The following TPCN2 variants were observed in gnomAD, a reference collection of about 807,000 sequenced individuals.
TPCN2 encodes the protein two pore channel protein 2.
Under a neutral mutation model 111.4 loss-of-function variants are expected in TPCN2, and 92 were observed. The ratio of observed to expected loss-of-function variants is 0.83; its 90% CI spans 0.70 to 0.98. The LOEUF is 0.98. Among genes scored for constraint, TPCN2 ranks in the 50% least tolerant of loss-of-function variants. TPCN2 has a pLI of 0.00. For synonymous variants in TPCN2, 405 were observed against 414.5 expected (o/e 0.98, Z 0.28); for missense variants, 995 against 980.1 (o/e 1.02, Z -0.20).
At chr11:69,059,000 G>T (rs1035246882) in intron 5 of TPCN2, among the ~76,000 whole-genome samples, 1 of 152,226 alleles carries the variant, frequency 6.6e-6, no homozygotes, top group African/African-American at 2.4e-5. Context: ...GGAAGAAAAT[G>T]AATAAAGGCC....
Position 69,070,506 on chromosome 11 carries a change from G to C in TPCN2, c.895+11G>C. On this transcript the variant is annotated intron_variant, in intron 9 of 24. Coordinates refer to ENST00000294309, the MANE Select transcript of TPCN2 (RefSeq NM_139075.4). ...TCTTCACTGTGATAGGTGAGTGCAG[G>C]TAACGTGGCCAGCATTTTGTGACAG... 6.3e-7 allele frequency: 1 copy of C among 1,593,150 alleles called. No homozygotes were observed. The highest frequency in any genetic ancestry group is 1.4e-5 in the African/African-American group (1 of 73,948).
chr11:69,087,263 TG>T (rs1043862751), intron 24 of TPCN2, 57 bp downstream of exon 24: 12 of 1,512,720 alleles, frequency 7.9e-6, no homozygotes, highest in Admixed American at 1.7e-5. Context: ...AGCCAAGAGC[TG>T]GGGGGTGGAG....
Position 69,072,973 on chromosome 11 carries a change from A to G in TPCN2, c.1202A>G (p.Asn401Ser), listed in dbSNP as rs1289644643. 6.2e-7 allele frequency: 1 copy of G among 1,613,892 alleles called. No individual in the cohort carries two copies. Among genetic ancestry groups the G allele is most frequent in the South Asian group, 1.1e-5 (1 of 90,990 alleles). ...GCTGAGGAGTTTCAGAAGCTCTTCA[A>G]CGAGCTTGACAGAAGTGTGGTTAAA... Reference protein sequence around the residue: ...LSAEEFQKLFNELDRSVVKEH... With the variant: ...LSAEEFQKLFSELDRSVVKEH... Residue 401 changes from asparagine to serine, a missense_variant, in exon 13 of 25, where the codon AAC becomes AGC. By Grantham distance (46) the Asn-to-Ser change is conservative. Transcript: ENST00000294309.
chr11:69,074,281 G>A (rs1855659972), intron 13 of TPCN2, among the ~76,000 whole-genome samples: 1 of 152,230 alleles, frequency 6.6e-6, no homozygotes, highest in African/African-American at 2.4e-5. Flanking sequence ...CTCACTTCGG[G>A]CATCCTCTTT....
rs1855670226 is a variant in TPCN2, at chr11:69,074,507, G to A, written c.1230+1506G>A. ...ACAGAAACTGTGGAGATGGTCCTCA[G>A]ATAACAGAAAGTTAAGAAGCACCAT... On this transcript the variant is annotated intron_variant, in intron 13 of 24. Coordinates refer to ENST00000294309, the MANE Select transcript of TPCN2 (RefSeq NM_139075.4). Among the ~76,000 whole-genome samples the A allele has an allele frequency of 2.0e-5, 3 of 152,212 alleles. No homozygotes were observed. In the South Asian group the frequency reaches 6.2e-4, roughly 32 times the overall value.
chr11:69,088,056 AG>A lies in TPCN2; in HGVS notation c.*104del. 2.0e-6 allele frequency: 2 copies of A among 1,017,484 alleles called. No individual in the cohort carries two copies. Among genetic ancestry groups the A allele is most frequent in the Non-Finnish European group, 2.9e-6 (2 of 701,694 alleles). 63.0% of individuals were successfully genotyped at this position (1,017,484 alleles called of 1,614,324 possible). ...CCATGCTGTGGCCAGCCAGGCAGGAAGAGACCTTTCCTCTGACGGACCACTA... is the reference window on the plus strand; with the variant it reads ...CCATGCTGTGGCCAGCCAGGCAGGAAAGACCTTTCCTCTGACGGACCACTA... On this transcript the variant is annotated 3_prime_UTR_variant, in exon 25 of 25. Transcript: ENST00000294309.
At chr11:69,068,181 C>A (rs1855358032) in intron 8 of TPCN2, among the ~76,000 whole-genome samples, 1 of 152,224 alleles carries the variant, frequency 6.6e-6, no homozygotes, top group Non-Finnish European at 1.5e-5. Context: ...TGGCTGTGGC[C>A]CAGCCACCCT....
At position 69,085,860 on chromosome 11, in the gene TPCN2, A is replaced by G. The variant is rs1565096560; in HGVS notation, c.1933A>G (p.Thr645Ala). Residue 645 changes from threonine to alanine, a missense_variant, in exon 22 of 25, where the codon ACT (threonine) becomes GCT (alanine). Transcript: ENST00000294309. ...NFDDFAAALV[T>A]LWNLMVVNNW... ...TCTGCCCCCGCAGGCTGCCCTGGTC[A>G]CTCTGTGGAACTTGATGGTGGTGAA... The G allele has an allele frequency of 9.3e-6, 15 of 1,613,862 alleles. No individual in the cohort carries two copies. The highest frequency in any genetic ancestry group is 1.1e-5 in the Non-Finnish European group (13 of 1,179,924).
Position 69,078,510 on chromosome 11 carries a change from C to G in TPCN2, c.1259C>G (p.Pro420Arg). Residue 420 changes from proline to arginine, a missense_variant, in exon 14 of 25, where the codon CCG (proline) becomes CGG (arginine). Physicochemically the swap from Pro to Arg is moderately radical, Grantham distance 103 (BLOSUM62 -2). Coordinates refer to ENST00000294309, the MANE Select transcript of TPCN2 (RefSeq NM_139075.4). ...EHPPRPEYQS[P>R]FLQSAQFLFG... ...CCGCCGAGGCCCGAGTACCAGTCTC[C>G]GTTTCTGCAGAGCGCCCAGTTCCTC... is the stretch of plus-strand genomic sequence containing the variant. The G allele has an allele frequency of 1.2e-6, 2 of 1,614,150 alleles. No individual in the cohort carries two copies. Among genetic ancestry groups the G allele is most frequent in the Non-Finnish European group, 1.7e-6 (2 of 1,180,034 alleles).
At chr11:69,084,765 A>G in intron 19 of TPCN2, 1 of 985,420 alleles carries the variant, frequency 1.0e-6, no homozygotes. Flanking sequence ...CTGGAAATAG[A>G]CGCTGGGAAG....
Position 69,048,991 on chromosome 11 carries a change from C to T in TPCN2, c.-7C>T. ...CTGAGGGTCGGGTCCAGCGCGTGGG[C>T]TGCTGGATGGCGGAACCCCAGGCGG... On this transcript the variant is annotated 5_prime_UTR_variant, in exon 1 of 25. Coordinates refer to ENST00000294309, the MANE Select transcript of TPCN2 (RefSeq NM_139075.4). The T allele has an allele frequency of 8.1e-7, 1 of 1,235,622 alleles. No individual in the cohort carries two copies. The highest frequency in any genetic ancestry group is 1.0e-6 in the Non-Finnish European group (1 of 985,804). The allele number at this position is 1,235,622 out of a possible 1,614,324, so 76.5% of individuals were successfully genotyped here.
rs1286766665 is a variant in TPCN2, at chr11:69,055,341, C to T, written c.418C>T (p.Leu140Phe). ...CTGCCTGCTGGTCTTTGCGGCCGAC[C>T]TCTCTGTGAAGGTGAGGCGGGCGCC... ...VLCLLVFAAD[L>F]SVKGYLFGWA... Residue 140 changes from leucine (L) to phenylalanine (F), a missense_variant, in exon 4 of 25, where the codon CTC becomes TTC. Leu to Phe is a conservative substitution (Grantham distance 22). Transcript: ENST00000294309. 3 of 1,609,328 alleles carry T rather than the reference C, an allele frequency of 1.9e-6. No individual in the cohort carries two copies. The highest frequency in any genetic ancestry group is 2.2e-5 in the South Asian group (2 of 90,820).
At position 69,054,848 on chromosome 11, in the gene TPCN2, G is replaced by A. The variant is rs547538598; in HGVS notation, c.251+51G>A. ...AGGGTTCCTGCCGGCTTGCGTGGCAGGGGAGGCTGGCCCCCACCTGGGGAT... is the reference window on the plus strand; with the variant it reads ...AGGGTTCCTGCCGGCTTGCGTGGCAAGGGAGGCTGGCCCCCACCTGGGGAT... On this transcript the variant is annotated intron_variant, in intron 3 of 24. Coordinates refer to ENST00000294309, the MANE Select transcript of TPCN2 (RefSeq NM_139075.4). 4.9e-5 allele frequency: 78 copies of A among 1,580,748 alleles called. No homozygotes were observed. The East Asian group carries it at 1.4e-3, about 28-fold the overall frequency.
chr11:69,070,821 G>T (rs1367075622), intron 9 of TPCN2, among the ~76,000 whole-genome samples: 1 of 142,762 alleles, frequency 7.0e-6, no homozygotes, highest in Non-Finnish European at 1.5e-5. Context: ...TCACCCCAGG[G>T]ATCTCCCACC....
chr11:69,070,391 C>A, intron 8 of TPCN2, 39 bp from the exon 9 acceptor site: 1 of 1,521,270 alleles, frequency 6.6e-7, no homozygotes, highest in Non-Finnish European at 9.1e-7. Context: ...GGATCAGGTA[C>A]TGAGGTTGTC....
intron 3 of TPCN2, 41 bp from the exon 4 acceptor site, chr11:69,055,134 C>T: frequency 5.0e-6 from 8 of 1,600,118 alleles, no homozygotes; most frequent in Non-Finnish European, 6.8e-6. Context: ...GCCCTGAGGG[C>T]TGCTGGCTCC....
At chr11:69,055,468 CT>C (rs1237308130) in intron 4 of TPCN2, 116 bp downstream of exon 4, 1 of 1,138,104 alleles carries the variant, frequency 8.8e-7, no homozygotes, top group African/African-American at 1.6e-5. Context: ...AGACTTTGTA[CT>C]TTGACCCGGT....
At chr11:69,053,036 G>C (rs1007474844) in intron 1 of TPCN2, among the ~76,000 whole-genome samples, 13 of 152,214 alleles carry the variant, frequency 8.5e-5, no homozygotes, top group African/African-American at 2.9e-4. Context: ...GCGGGTGGGT[G>C]GCCCAGGCTC....
At position 69,081,512 on chromosome 11, in the gene TPCN2, C is replaced by T; in HGVS notation, c.1689+13C>T. ...CCCCAGCATGAAGGTGTGTGCCGGCCCCACCCCCACTCGCCCCACCCTCCT... is the reference window on the plus strand; with the variant it reads ...CCCCAGCATGAAGGTGTGTGCCGGCTCCACCCCCACTCGCCCCACCCTCCT... On this transcript the variant is annotated intron_variant, in intron 18 of 24. Transcript: ENST00000294309. 6.5e-7 allele frequency: 1 copy of T among 1,534,210 alleles called. No individual in the cohort carries two copies. Among genetic ancestry groups the T allele is most frequent in the Non-Finnish European group, 8.8e-7 (1 of 1,134,654 alleles).
Sources: allele counts gnomAD v4.1 joint callset (sites outside exome capture counted in the v4.1 genomes callset), GRCh38; gene constraint gnomAD v4.1.1; transcripts MANE v1.5; gene names NCBI Gene and HGNC (gene_info 2026-07-23, HGNC 2026-07-21).